SYMPK: variants seen among roughly 807,000 people sequenced by gnomAD.
SYMPK encodes symplekin.
A neutral mutation model predicts 136.4 loss-of-function variants in SYMPK; 49 were observed. The observed-to-expected ratio is 0.36, with a 90% CI of 0.29 to 0.46. The LOEUF is 0.46. Among genes scored for constraint, SYMPK ranks in the 20% least tolerant of loss-of-function variants. The probability of loss-of-function intolerance (pLI) is 1.00; values close to 1 mark genes in which losing one functional copy is unlikely to be tolerated. For synonymous variants in SYMPK, 766 were observed against 713.0 expected (o/e 1.07, Z -1.19); for missense variants, 1,365 against 1,690.0 (o/e 0.81, Z 3.37).
intron 24 of SYMPK, 91 bp from the exon 25 acceptor site, chr19:45,816,668 G>T: frequency 6.4e-7 from 1 of 1,563,626 alleles, no homozygotes; most frequent in Non-Finnish European, 8.6e-7. Flanking sequence ...TAACCCTCCA[G>T]AACTCCCAGC....
chr19:45,829,553 TG>T (rs1971122029), intron 13 of SYMPK, among the ~76,000 whole-genome samples: 1 of 152,096 alleles, frequency 6.6e-6, no homozygotes, highest in Non-Finnish European at 1.5e-5. Flanking sequence ...GGAAGAGTAC[TG>T]GATCTGGATT....
At chr19:45,860,945 A>G (rs1347300248) in intron 1 of SYMPK, among the ~76,000 whole-genome samples, 5 of 152,264 alleles carry the variant, frequency 3.3e-5, no homozygotes, top group African/African-American at 1.2e-4. Context: ...TGTAAGAGGC[A>G]GAGTCAGCAG....
intron 25 of SYMPK, 101 bp downstream of exon 25, chr19:45,816,381 T>A: frequency 6.9e-7 from 1 of 1,444,994 alleles, no homozygotes; most frequent in Non-Finnish European, 9.2e-7. Context: ...AGGGGTGGCC[T>A]GAGTCTCTCG....
chr19:45,831,464 C>G lies in SYMPK; in HGVS notation c.1518G>C (p.Leu506=). ...QGQAISVVGS[L]SSMSPLEEEA... ...CTTCCTCCAGGGGGGACATGGAGCT[C>G]AGGGAACCCACCACCGAGATGGCTT... Residue 506 remains leucine (L), a synonymous_variant, in exon 12 of 27, where the codon CTG becomes CTC. Coordinates refer to ENST00000245934, the MANE Select transcript of SYMPK (RefSeq NM_004819.3). The G allele has an allele frequency of 6.3e-7, 1 of 1,591,572 alleles. No individual in the cohort carries two copies. Among genetic ancestry groups the G allele is most frequent in the Non-Finnish European group, 8.5e-7 (1 of 1,170,604 alleles).
At chr19:45,826,201 A>G in intron 17 of SYMPK, 25 bp downstream of exon 17, 1 of 1,602,742 alleles carries the variant, frequency 6.2e-7, no homozygotes, top group Non-Finnish European at 8.5e-7. Flanking sequence ...AGCGCTCAGT[A>G]TGCATCTGAT....
chr19:45,831,698 G>T, intron 11 of SYMPK, 110 bp from the exon 12 acceptor site: 1 of 786,088 alleles, frequency 1.3e-6, no homozygotes. Context: ...ACAAAACCTC[G>T]TTTAAATCCA....
chr19:45,863,121 C>T lies in SYMPK; in HGVS notation c.-76G>A. ...AGTGCCTCTTCCTACACTCCGCCGC[C>T]GCCGCCGCCGCCATCTTCCGTTCGT... is the stretch of plus-strand genomic sequence containing the variant. On this transcript the variant is annotated 5_prime_UTR_variant, in exon 1 of 27. Coordinates refer to ENST00000245934, the MANE Select transcript of SYMPK (RefSeq NM_004819.3). 4.9e-6 allele frequency: 2 copies of T among 405,784 alleles called. No homozygotes were observed. The highest frequency in any genetic ancestry group is 4.3e-6 in the Non-Finnish European group (1 of 230,320). 25.1% of individuals were successfully genotyped at this position (405,784 alleles called of 1,614,324 possible).
chr19:45,823,661 G>T (rs1176942313), intron 19 of SYMPK, 106 bp downstream of exon 19: 3 of 1,082,380 alleles, frequency 2.8e-6, no homozygotes, highest in African/African-American at 1.5e-5. Context: ...GCACAGACCC[G>T]CAAGAGGTAC....
In SYMPK at chr19:45,838,566, C is replaced by T. The variant is rs17850110; in HGVS notation, c.1137G>A (p.Pro379=). ...DDEDKDLEPG[P]SGTSKASAQI... ...GCGCTGAGGCCTTCGAGGTCCCCGACGGGCCTGGCTCCAAGTCTTTGTCCT... is the reference window on the plus strand; with the variant it reads ...GCGCTGAGGCCTTCGAGGTCCCCGATGGGCCTGGCTCCAAGTCTTTGTCCT... Residue 379 remains proline, a synonymous_variant, in exon 10 of 27, where the codon CCG becomes CCA. Transcript: ENST00000245934. 249,921 of 1,613,890 alleles carry T rather than the reference C, an allele frequency of 0.15. 19,931 individuals carry two copies. Among genetic ancestry groups the T allele is most frequent in the Admixed American group, 0.21 (12,500 of 59,966 alleles).
chr19:45,837,275 C>T (rs1971323660), intron 10 of SYMPK, among the ~76,000 whole-genome samples: 1 of 151,072 alleles, frequency 6.6e-6, no homozygotes, highest in Non-Finnish European at 1.5e-5. Flanking sequence ...TGTTGATGAG[C>T]AACTTCATGG....
chr19:45,842,653 C>T (rs1489743249), intron 8 of SYMPK, 164 bp from the exon 9 acceptor site: 3 of 895,846 alleles, frequency 3.3e-6, no homozygotes, highest in Non-Finnish European at 5.0e-6. Context: ...CAAGCTGATG[C>T]TTCAAACCCT....
chr19:45,817,058 G>C (rs1474598128), intron 23 of SYMPK, 84 bp from the exon 24 acceptor site: 8 of 1,379,116 alleles, frequency 5.8e-6, no homozygotes, highest in Non-Finnish European at 7.9e-6. Flanking sequence ...ACCTTGCCAA[G>C]ACCATGCCCA....
chr19:45,860,197 T>C (rs985476075), intron 1 of SYMPK, among the ~76,000 whole-genome samples: 2 of 151,596 alleles, frequency 1.3e-5, no homozygotes, highest in Non-Finnish European at 2.9e-5. Context: ...GGCTCAAGCC[T>C]ATAATGCCAG....
chr19:45,823,985 A>T, intron 18 of SYMPK, 110 bp from the exon 19 acceptor site: 35 of 624,430 alleles, frequency 5.6e-5, no homozygotes, highest in Middle Eastern at 4.3e-4. Context: ...GGTGAGACTG[A>T]GGTGACAGGG....
At position 45,838,574 on chromosome 19, in the gene SYMPK, G is replaced by C. The variant is rs1229050952; in HGVS notation, c.1129C>G (p.Pro377Ala). Reference protein sequence around the residue: ...GEDDEDKDLEPGPSGTSKASA... With the variant: ...GEDDEDKDLEAGPSGTSKASA... ...GCCTTCGAGGTCCCCGACGGGCCTG[G>C]CTCCAAGTCTTTGTCCTCATCGTCC... Residue 377 changes from proline (P) to alanine (A), a missense_variant, in exon 10 of 27, where the codon CCA (proline) becomes GCA (alanine). By Grantham distance (27) the Pro-to-Ala change is conservative. Around this residue, in one of 11 missense-constraint regions of SYMPK, gnomAD observed 111 missense variants for 141.2 expected, o/e 0.79. Transcript: ENST00000245934. 4 of 1,614,056 alleles carry C rather than the reference G, an allele frequency of 2.5e-6. No homozygotes were observed. Among genetic ancestry groups the C allele is most frequent in the Non-Finnish European group, 3.4e-6 (4 of 1,180,032 alleles).
Position 45,818,122 on chromosome 19 carries a change from C to A in SYMPK, c.2918G>T (p.Arg973Leu). ...CAGCACCTCTGACGTGTACACGTTCCGCTCCGCAAAGCACAGGTTGGTGGC... is the reference window on the plus strand; with the variant it reads ...CAGCACCTCTGACGTGTACACGTTCAGCTCCGCAAAGCACAGGTTGGTGGC... ...IKATNLCFAE[R>L]NVYTSEVLAV... Residue 973 changes from arginine to leucine, a missense_variant, in exon 23 of 27, where the codon CGG (arginine) becomes CTG (leucine). Transcript: ENST00000245934. The A allele has an allele frequency of 2.6e-6, 4 of 1,552,358 alleles. No homozygotes were observed. Among genetic ancestry groups the A allele is most frequent in the Non-Finnish European group, 3.5e-6 (4 of 1,147,482 alleles).
chr19:45,848,921 G>T, intron 5 of SYMPK, 45 bp from the exon 6 acceptor site: 1 of 1,612,066 alleles, frequency 6.2e-7, no homozygotes, highest in South Asian at 1.1e-5. Flanking sequence ...TGTGGTCTTA[G>T]AGCAAGTAGG....
chr19:45,857,443 A>G (rs1438037342), intron 1 of SYMPK, among the ~76,000 whole-genome samples: 3 of 150,258 alleles, frequency 2.0e-5, no homozygotes, highest in African/African-American at 4.9e-5. Context: ...AACACACACT[A>G]AACAAACAAA....
chr19:45,853,481 T>C (rs2146343029), intron 3 of SYMPK, among the ~76,000 whole-genome samples: 1 of 151,990 alleles, frequency 6.6e-6, no homozygotes, highest in East Asian at 1.9e-4. Flanking sequence ...CTACTAAAAA[T>C]ACAAAAATTA....
Sources: allele counts gnomAD v4.1 joint callset (sites outside exome capture counted in the v4.1 genomes callset), GRCh38; gene constraint gnomAD v4.1.1; regional missense constraint gnomAD v4.1.1; transcripts MANE v1.5; gene names NCBI Gene and HGNC (gene_info 2026-07-23, HGNC 2026-07-21).